Variants in ZNF808 observed in about 807,000 individuals in gnomAD.
ZNF808 encodes the protein zinc finger protein 808.
In ZNF808, 5 loss-of-function variants were observed where a neutral mutation model predicts 8.7. The observed-to-expected ratio is 0.58, with a 90% confidence interval of 0.30 to 1.21. The LOEUF (loss-of-function observed/expected upper bound fraction) is 1.21. ZNF808 is among the 50% of genes most tolerant of loss of function. The probability of loss-of-function intolerance (pLI) is 0.07; values close to 1 mark genes in which losing one functional copy is unlikely to be tolerated. For missense variants in ZNF808, 1,103 were observed against 1,098.4 expected, an observed-to-expected ratio of 1.00 and a Z score of -0.06; for synonymous variants, 380 against 366.0, an observed-to-expected ratio of 1.04 and a Z score of -0.44.
At chr19:52,561,202 CTCTCTCTCTCTATATATA>C (rs1449701932), downstream of ZNF808, among the ~76,000 whole-genome samples, 1,230 of 43,484 alleles carry the variant, frequency 0.028, 11 homozygotes, top group Non-Finnish European at 0.041. Context: ...CTCTCTCTCT[CTCTCTCTCTCTATATATA>C]TATATATATA....
intron 2 of ZNF808, among the ~76,000 whole-genome samples, chr19:52,542,070 A>G (rs568285022): frequency 6.6e-5 from 10 of 152,268 alleles, no homozygotes; most frequent in African/African-American, 2.2e-4. Flanking sequence ...GTATACGTGA[A>G]AAGAGTGAGA....
chr19:52,566,146 T>TAC (rs1491538525), downstream of ZNF808, among the ~76,000 whole-genome samples: 1 of 147,868 alleles, frequency 6.8e-6, no homozygotes, highest in Non-Finnish European at 1.5e-5. Context: ...TGAAAGATTT[T>TAC]ATATATATAT....
downstream of ZNF808, among the ~76,000 whole-genome samples, chr19:52,566,266 A>G (rs2059872868): frequency 6.6e-6 from 1 of 152,034 alleles, no homozygotes; most frequent in African/African-American, 2.4e-5. Flanking sequence ...CCCAGGTACT[A>G]CGGATTCTCC....
intron 2 of ZNF808, among the ~76,000 whole-genome samples, chr19:52,534,618 G>A (rs1299452495): frequency 6.6e-6 from 1 of 152,064 alleles, no homozygotes; most frequent in Non-Finnish European, 1.5e-5. Flanking sequence ...GGCCAGGCAT[G>A]GTGACTCACG....
intron 4 of ZNF808, among the ~76,000 whole-genome samples, chr19:52,550,873 TTGA>T (rs1217154493): frequency 2.0e-5 from 3 of 152,148 alleles, no homozygotes; most frequent in Non-Finnish European, 2.9e-5. Context: ...TTCAGTGATG[TTGA>T]TGATGAGATG....
At chr19:52,556,761 A>T (rs1055934166), downstream of ZNF808, 4 of 146,536 alleles carry the variant, frequency 2.7e-5, no homozygotes, top group East Asian at 3.9e-4. Flanking sequence ...TCCGTCTATT[A>T]AAAAAAAAAA....
At chr19:52,543,718 G>A (rs1191415587) in intron 3 of ZNF808, among the ~76,000 whole-genome samples, 6 of 152,188 alleles carry the variant, frequency 3.9e-5, no homozygotes, top group African/African-American at 7.2e-5. Context: ...TATGAAATAC[G>A]TATGTTAATG....
chr19:52,532,279 G>A (rs922100689), intron 1 of ZNF808, among the ~76,000 whole-genome samples: 5 of 151,528 alleles, frequency 3.3e-5, no homozygotes, highest in African/African-American at 1.2e-4. Context: ...AGGCTGGAGT[G>A]CAGTGGCACA....
At chr19:52,535,001 T>C (rs1876596625) in intron 2 of ZNF808, among the ~76,000 whole-genome samples, 2 of 151,842 alleles carry the variant, frequency 1.3e-5, no homozygotes, top group African/African-American at 4.8e-5. Flanking sequence ...ATTGGATCTC[T>C]ATGTCACACC....
At position 52,554,692 on chromosome 19, in the gene ZNF808, G is replaced by C. The variant is rs2059816607; in HGVS notation, c.1776G>C (p.Glu592Asp). The change falls in exon 5 of 5, where the codon GAG (glutamate) becomes GAC (aspartate). Residue 592 changes from glutamate (E) to aspartate (D), a missense_variant. By Grantham distance (45) the Glu-to-Asp change is conservative. Coordinates refer to ENST00000359798, the MANE Select transcript of ZNF808 (RefSeq NM_001039886.4). ...GTCATCGTAGACTTCATACTGGAGA[G>C]AAACCTTACAAATGTGAAGCATGTG... is the stretch of plus-strand genomic sequence containing the variant. ...LSRHRRLHTG[E>D]KPYKCEACDK... The C allele has an allele frequency of 6.2e-7, 1 of 1,613,910 alleles. No homozygotes were observed. Among genetic ancestry groups the C allele is most frequent in the Non-Finnish European group, 8.5e-7 (1 of 1,179,966 alleles).
chr19:52,533,186 T>G (rs1690969182), intron 2 of ZNF808, among the ~76,000 whole-genome samples, 177 bp downstream of exon 2: 1 of 152,176 alleles, frequency 6.6e-6, no homozygotes, highest in Non-Finnish European at 1.5e-5. Context: ...TTTCTTTTCT[T>G]TTGTTTAATT....
At chr19:52,550,209 A>C (rs113782858) in intron 4 of ZNF808, among the ~76,000 whole-genome samples, 5 of 151,694 alleles carry the variant, frequency 3.3e-5, no homozygotes, top group Admixed American at 3.3e-4. Flanking sequence ...AGAAATAATG[A>C]TAATTTGCCT....
At chr19:52,561,760 T>A (rs2059859256) in intron 3 of ZNF808, among the ~76,000 whole-genome samples, 1 of 152,090 alleles carries the variant, frequency 6.6e-6, no homozygotes, top group African/African-American at 2.4e-5. Flanking sequence ...TTAGTCAGAC[T>A]GCTCTCAAGC....
At chr19:52,536,395 C>T (rs1438358952) in intron 2 of ZNF808, among the ~76,000 whole-genome samples, 1 of 152,116 alleles carries the variant, frequency 6.6e-6, no homozygotes, top group Non-Finnish European at 1.5e-5. Flanking sequence ...TCTCCGTCTT[C>T]GGCCCCTGGA....
rs776944248 is a variant in ZNF808 at position 52,554,516 on chromosome 19, ACT to A, written c.1603_1604del (p.Leu535ArgfsTer10). 6 of 1,613,912 alleles carry A rather than the reference ACT, an allele frequency of 3.7e-6. No homozygotes were observed. The highest frequency in any genetic ancestry group is 1.3e-5 in the African/African-American group (1 of 74,860). On this transcript the variant is annotated frameshift_variant, in exon 5 of 5. Transcript: ENST00000359798. LOFTEE classifies it low-confidence loss of function (END_TRUNC). ...ASLVYHRRLH[T>X]LEKSYKCTVC... ...CCTTGTATACCATCGTAGACTTCAC[ACT>A]CTAGAGAAATCTTACAAATGTACGG... is the stretch of plus-strand genomic sequence containing the variant.
At position 52,536,694 on chromosome 19, in the gene ZNF808, G is replaced by T. The variant is rs140759020; in HGVS notation, c.-20+3685G>T. Among the ~76,000 whole-genome samples the T allele has an allele frequency of 6.6e-3, 1,002 of 152,278 alleles. 15 individuals carry two copies. Among genetic ancestry groups the T allele is most frequent in the African/African-American group, 0.023 (948 of 41,556 alleles). On this transcript the variant is annotated intron_variant, in intron 2 of 4. Transcript: ENST00000359798. ...GTGTCTTACCCCAAACCCGCAGAGT[G>T]GTGCTGGTGGCAATGAGAACAGAGG...
intron 2 of ZNF808, among the ~76,000 whole-genome samples, chr19:52,535,623 G>A (rs1480484094): frequency 6.6e-6 from 1 of 152,248 alleles, no homozygotes; most frequent in East Asian, 1.9e-4. Flanking sequence ...GCTGAGCACA[G>A]GGTGGACCCT....
chr19:52,538,317 C>T (rs1405892428), intron 2 of ZNF808, among the ~76,000 whole-genome samples: 6 of 125,508 alleles, frequency 4.8e-5, no homozygotes, highest in Non-Finnish European at 1.8e-5. Context: ...CCACCGCGCC[C>T]GGCCTACATA....
intron 4 of ZNF808, among the ~76,000 whole-genome samples, chr19:52,550,494 T>A (rs2059766088): frequency 6.6e-6 from 1 of 151,554 alleles, no homozygotes; most frequent in African/African-American, 2.4e-5. Flanking sequence ...CCTCCCAAAG[T>A]GCTGGGATTA....
Sources: allele counts gnomAD v4.1 joint callset (sites outside exome capture counted in the v4.1 genomes callset), GRCh38; gene constraint gnomAD v4.1.1; transcripts MANE v1.5; gene names NCBI Gene and HGNC (gene_info 2026-07-23, HGNC 2026-07-21).